Variants in LRRTM4 observed in about 807,000 individuals in gnomAD.
LRRTM4 encodes leucine-rich repeat transmembrane neuronal protein 4.
LRRTM4 carries 25 observed loss-of-function variants against 47.6 expected under a neutral mutation model. That is an observed-to-expected ratio of 0.53 (90% CI 0.38 to 0.73). The LOEUF (loss-of-function observed/expected upper bound fraction) is 0.73, where lower values mean the gene tolerates loss of function less well. Among genes scored for constraint, LRRTM4 ranks in the 30% least tolerant of loss-of-function variants. The probability of loss-of-function intolerance (pLI) is 0.00; values close to 1 mark genes in which losing one functional copy is unlikely to be tolerated. For missense variants in LRRTM4, 638 were observed against 713.4 expected, an observed-to-expected ratio of 0.89 and a Z score of 1.20; for synonymous variants, 311 against 269.5, an observed-to-expected ratio of 1.15 and a Z score of -1.51.
At chr2:76,919,514 G>T (rs762500602) in intron 3 of LRRTM4, among the ~76,000 whole-genome samples, 4 of 152,078 alleles carry the variant, frequency 2.6e-5, no homozygotes, top group Non-Finnish European at 4.4e-5. Flanking sequence ...AACCTCTCCT[G>T]CAAACTTTGA....
At chr2:77,434,811 A>C (rs1675526617) in intron 3 of LRRTM4, among the ~76,000 whole-genome samples, 1 of 152,194 alleles carries the variant, frequency 6.6e-6, no homozygotes, top group African/African-American at 2.4e-5. Flanking sequence ...AATAAAATTC[A>C]AATATATTCA....
At chr2:77,360,482 G>GATACA (rs1260292017) in intron 3 of LRRTM4, among the ~76,000 whole-genome samples, 1 of 16,994 alleles carries the variant, frequency 5.9e-5, no homozygotes, top group African/African-American at 1.2e-4. Context: ...GATATGATAC[G>GATACA]ATACGATACG....
In LRRTM4 at chr2:76,822,910, G is replaced by T. The variant is rs1049731686; in HGVS notation, c.1552-73994C>A. ...CAGTCAAGACTTTACCCATATAAAAGTAATAAAATTATTTCAGTTATTTAT... is the reference window on the plus strand; with the variant it reads ...CAGTCAAGACTTTACCCATATAAAATTAATAAAATTATTTCAGTTATTTAT... On this transcript the variant is annotated intron_variant, in intron 3 of 3. Transcript: ENST00000409884. Among the ~76,000 whole-genome samples, 3 of 151,192 alleles carry T rather than the reference G, an allele frequency of 2.0e-5. No homozygotes were observed. In the East Asian group the frequency reaches 5.8e-4, roughly 29 times the overall value.
At chr2:77,054,823 G>A (rs1679549260) in intron 3 of LRRTM4, among the ~76,000 whole-genome samples, 1 of 152,174 alleles carries the variant, frequency 6.6e-6, no homozygotes, top group South Asian at 2.1e-4. Flanking sequence ...TAAAAGTAAA[G>A]CAGGCATCAG....
chr2:76,982,425 A>G (rs1432694007), intron 3 of LRRTM4, among the ~76,000 whole-genome samples: 1 of 152,096 alleles, frequency 6.6e-6, no homozygotes, highest in African/African-American at 2.4e-5. Context: ...AAGTAAATGG[A>G]AAGGAAAAAA....
At chr2:76,906,761 T>G (rs1479559275) in intron 3 of LRRTM4, among the ~76,000 whole-genome samples, 4 of 151,286 alleles carry the variant, frequency 2.6e-5, no homozygotes, top group Non-Finnish European at 4.4e-5. Context: ...GGCCATTACA[T>G]AATGGTAAAG....
chr2:77,123,012 G>T (rs562835125), intron 3 of LRRTM4, among the ~76,000 whole-genome samples: 1 of 151,826 alleles, frequency 6.6e-6, no homozygotes, highest in Non-Finnish European at 1.5e-5. Flanking sequence ...ATGGCTCAAT[G>T]TGTTAAGAAC....
intron 3 of LRRTM4, among the ~76,000 whole-genome samples, chr2:76,754,725 C>A (rs1222735140): frequency 1.3e-5 from 2 of 152,154 alleles, no homozygotes; most frequent in Non-Finnish European, 2.9e-5. Flanking sequence ...TACAGGCTGG[C>A]CTTGTAACTT....
chr2:76,787,271 T>C (rs1007519061), intron 3 of LRRTM4, among the ~76,000 whole-genome samples: 39 of 152,160 alleles, frequency 2.6e-4, no homozygotes, highest in Admixed American at 1.2e-3. Flanking sequence ...GAATGCACAA[T>C]TGGCATAAGG....
intron 3 of LRRTM4, among the ~76,000 whole-genome samples, chr2:77,219,411 C>G (rs1037513619): frequency 6.6e-5 from 10 of 152,082 alleles, no homozygotes; most frequent in African/African-American, 2.4e-4. Context: ...AAATCCCTTC[C>G]CCCAGAAGTC....
chr2:76,862,714 C>A (rs1375446450), intron 3 of LRRTM4, among the ~76,000 whole-genome samples: 1 of 152,212 alleles, frequency 6.6e-6, no homozygotes, highest in Non-Finnish European at 1.5e-5. Flanking sequence ...TCTGTAAATG[C>A]AGTTTCTCTG....
intron 3 of LRRTM4, among the ~76,000 whole-genome samples, chr2:77,188,822 G>A (rs1673584868): frequency 6.6e-6 from 1 of 152,166 alleles, no homozygotes; most frequent in Admixed American, 6.6e-5. Flanking sequence ...TCGGAAGCAT[G>A]GGGAAATCCT....
In LRRTM4 at chr2:76,791,302, T is replaced by C. The variant is rs1156658332; in HGVS notation, c.1552-42386A>G. Reference sequence around the variant, plus strand: ...CTCTACTGAGATTATTTCAATAATATTGGGAACCATCATTTATCTGAAGAC... The same window carrying C: ...CTCTACTGAGATTATTTCAATAATACTGGGAACCATCATTTATCTGAAGAC... On this transcript the variant is annotated intron_variant, in intron 3 of 3. Transcript: ENST00000409884. Among the ~76,000 whole-genome samples the C allele has an allele frequency of 2.6e-5, 4 of 152,210 alleles. No homozygotes were observed. In the South Asian group the frequency reaches 8.3e-4, roughly 32 times the overall value.
chr2:77,169,228 A>G (rs1672975209), intron 3 of LRRTM4, among the ~76,000 whole-genome samples: 2 of 152,176 alleles, frequency 1.3e-5, no homozygotes, highest in African/African-American at 4.8e-5. Context: ...AGCCGGAGCA[A>G]TCAGGCAAGG....
At chr2:76,902,077 A>G (rs907507466) in intron 3 of LRRTM4, among the ~76,000 whole-genome samples, 14 of 152,172 alleles carry the variant, frequency 9.2e-5, no homozygotes, top group Non-Finnish European at 1.9e-4. Context: ...TCCTCTGGCT[A>G]AGGAATAGAG....
chr2:76,781,200 C>G (rs937916779), intron 3 of LRRTM4, among the ~76,000 whole-genome samples: 1 of 152,254 alleles, frequency 6.6e-6, no homozygotes, highest in African/African-American at 2.4e-5. Flanking sequence ...TTACTGCTGT[C>G]TTTTTGTTTG....
intron 3 of LRRTM4, among the ~76,000 whole-genome samples, chr2:77,216,377 A>G (rs1674439572): frequency 6.6e-6 from 1 of 152,208 alleles, no homozygotes; most frequent in Non-Finnish European, 1.5e-5. Flanking sequence ...TAAGAAATAC[A>G]GTATTTGGGC....
At chr2:77,035,867 G>T (rs1254069900) in intron 3 of LRRTM4, among the ~76,000 whole-genome samples, 1 of 151,708 alleles carries the variant, frequency 6.6e-6, no homozygotes, top group Non-Finnish European at 1.5e-5. Flanking sequence ...AACCATCAGG[G>T]GCTTTTTGAA....
intron 3 of LRRTM4, among the ~76,000 whole-genome samples, chr2:77,318,281 C>T (rs1452598765): frequency 6.6e-6 from 1 of 152,180 alleles, no homozygotes; most frequent in Non-Finnish European, 1.5e-5. Context: ...GTTGGGATTA[C>T]AGGCGTGAGC....
Sources: allele counts gnomAD v4.1 joint callset (sites outside exome capture counted in the v4.1 genomes callset), GRCh38; gene constraint gnomAD v4.1.1; transcripts MANE v1.5; gene names NCBI Gene and HGNC (gene_info 2026-07-23, HGNC 2026-07-21).